The following MACROD1 variants were observed in gnomAD, a reference collection of about 807,000 sequenced individuals.
MACROD1 encodes the protein mono-ADP ribosylhydrolase 1.
Under a neutral mutation model 41.4 loss-of-function variants are expected in MACROD1, and 31 were observed. The observed-to-expected ratio is 0.75, with a 90% CI of 0.56 to 1.01. The LOEUF (loss-of-function observed/expected upper bound fraction) is 1.01, where lower values mean the gene tolerates loss of function less well. Ranked by LOEUF, MACROD1 falls within the 50% of genes least tolerant of loss-of-function variation. The pLI, the probability that MACROD1 is intolerant of heterozygous loss-of-function variation, is 0.00. For synonymous variants in MACROD1, 252 were observed against 203.4 expected (o/e 1.24, Z -2.03); for missense variants, 473 against 460.0 (o/e 1.03, Z -0.26).
At chr11:64,106,312 G>A (rs1429519953) in intron 3 of MACROD1, among the ~76,000 whole-genome samples, 1 of 152,108 alleles carries the variant, frequency 6.6e-6, no homozygotes, top group Non-Finnish European at 1.5e-5. Context: ...GGGGTGGGCT[G>A]TAGGAAGGCC....
chr11:64,160,183 C>G (rs1945732882), intron 1 of MACROD1, among the ~76,000 whole-genome samples: 2 of 152,102 alleles, frequency 1.3e-5, no homozygotes, highest in Admixed American at 1.3e-4. Context: ...CCTGCCTTGC[C>G]CAGGGCAAGG....
intron 3 of MACROD1, among the ~76,000 whole-genome samples, chr11:64,143,166 AGGAAAGAAAGGAAAAAG>A: frequency 6.6e-6 from 1 of 151,768 alleles, no homozygotes; most frequent in East Asian, 1.9e-4. Context: ...GAAGAGAGGA[AGGAAAGAAAGGAAAAAG>A]GGAAAGAAAG....
intron 5 of MACROD1, 42 bp downstream of exon 5, chr11:64,000,185 C>T (rs1942796896): frequency 2.0e-6 from 3 of 1,534,258 alleles, no homozygotes; most frequent in South Asian, 1.2e-5. Context: ...CACACGGGCG[C>T]CCTGTCTGCG....
chr11:64,110,535 CA>C (rs1289592603), intron 3 of MACROD1, among the ~76,000 whole-genome samples: 1 of 151,970 alleles, frequency 6.6e-6, no homozygotes, highest in Non-Finnish European at 1.5e-5. Context: ...TGGAGGTTGG[CA>C]GGGGACAACG....
At chr11:64,116,455 G>T in intron 3 of MACROD1, 1 of 1,613,996 alleles carries the variant, frequency 6.2e-7, no homozygotes, top group Non-Finnish European at 8.5e-7. Flanking sequence ...TGCGACAACG[G>T]CTTCATCTAC....
intron 3 of MACROD1, among the ~76,000 whole-genome samples, chr11:64,115,946 C>T (rs889822502): frequency 1.3e-4 from 20 of 152,174 alleles, no homozygotes; most frequent in African/African-American, 4.6e-4. Flanking sequence ...CCAGGAGGGC[C>T]GCGGCAGCAC....
intron 1 of MACROD1, among the ~76,000 whole-genome samples, chr11:64,164,105 T>A (rs1025689137): frequency 6.6e-6 from 1 of 152,226 alleles, no homozygotes; most frequent in African/African-American, 2.4e-5. Flanking sequence ...TTCTTTACAA[T>A]AGATGCTTTG....
intron 3 of MACROD1, among the ~76,000 whole-genome samples, chr11:64,130,883 G>A (rs901818883): frequency 5.3e-5 from 8 of 152,210 alleles, no homozygotes; most frequent in African/African-American, 1.9e-4. Flanking sequence ...GATTTACAGG[G>A]GAAGTGAAAT....
chr11:64,091,867 C>T (rs1315436330), intron 3 of MACROD1, among the ~76,000 whole-genome samples: 3 of 152,170 alleles, frequency 2.0e-5, no homozygotes, highest in Non-Finnish European at 4.4e-5. Context: ...AGCACCAGAG[C>T]GGCTGCTGGG....
intron 3 of MACROD1, among the ~76,000 whole-genome samples, chr11:64,042,505 C>T (rs79575617): frequency 0.05 from 7,607 of 152,262 alleles, 261 homozygotes; most frequent in South Asian, 0.15. Context: ...AGCCCTGCAG[C>T]GTAACCTTTG....
intron 3 of MACROD1, among the ~76,000 whole-genome samples, chr11:64,089,809 C>G (rs773323425): frequency 3.3e-5 from 5 of 152,102 alleles, no homozygotes; most frequent in Non-Finnish European, 7.4e-5. Context: ...ATGCCAGTCT[C>G]TGTGCCCACT....
intron 4 of MACROD1, among the ~76,000 whole-genome samples, chr11:64,007,783 C>T (rs1942937751): frequency 6.6e-6 from 1 of 152,234 alleles, no homozygotes; most frequent in African/African-American, 2.4e-5. Flanking sequence ...ACACAACACC[C>T]ACCAGACTGG....
chr11:63,998,598 C>CGCGGAGG lies in MACROD1; in HGVS notation c.*113_*119dup. 1.6e-6 allele frequency: 2 copies of CGCGGAGG among 1,276,884 alleles called. No individual in the cohort carries two copies. Among genetic ancestry groups the CGCGGAGG allele is most frequent in the East Asian group, 6.1e-5 (2 of 32,662 alleles). The allele number at this position is 1,276,884 out of a possible 1,614,324, so 79.1% of individuals were successfully genotyped here. ...TTTATTAGGCTCCTCGGGGGCGGGG[C>CGCGGAGG]GCGGAGGGAAAGAAGGGGTGGCCAG... On this transcript the variant is annotated 3_prime_UTR_variant, in exon 11 of 11. Coordinates refer to ENST00000255681, the MANE Select transcript of MACROD1 (RefSeq NM_014067.4).
chr11:64,020,309 G>A (rs1225143181), intron 3 of MACROD1, among the ~76,000 whole-genome samples: 1 of 152,120 alleles, frequency 6.6e-6, no homozygotes, highest in African/African-American at 2.4e-5. Context: ...AGATGAGGAC[G>A]CTGAGACACG....
intron 4 of MACROD1, among the ~76,000 whole-genome samples, chr11:64,013,811 A>C (rs1425524576): frequency 1.3e-5 from 2 of 152,078 alleles, no homozygotes; most frequent in East Asian, 1.9e-4. Context: ...CTCCACTTCC[A>C]GGCCTTTGCC....
Position 63,999,000 on chromosome 11 carries a change from CCTT to C in MACROD1, c.925_927del (p.Lys309del), listed in dbSNP as rs748644803. 29 of 1,609,150 alleles carry C rather than the reference CCTT, an allele frequency of 1.8e-5. No individual in the cohort carries two copies. Among genetic ancestry groups the C allele is most frequent in the Non-Finnish European group, 2.3e-5 (27 of 1,178,462 alleles). On this transcript the variant is annotated inframe_deletion, in exon 9 of 11. Coordinates refer to ENST00000255681, the MANE Select transcript of MACROD1 (RefSeq NM_014067.4). ...AGCCGGCTCCGGTAGATGTCCTCGT[CCTT>C]CTCGAGGAACACGCAGATGATCAGC...
chr11:64,102,289 T>C (rs549097697), intron 3 of MACROD1, among the ~76,000 whole-genome samples: 1 of 152,244 alleles, frequency 6.6e-6, no homozygotes, highest in Non-Finnish European at 1.5e-5. Context: ...CGGGGTTTTG[T>C]TTTGGATTCC....
intron 3 of MACROD1, among the ~76,000 whole-genome samples, chr11:64,149,858 G>A (rs1158427925): frequency 6.6e-6 from 1 of 152,232 alleles, no homozygotes; most frequent in East Asian, 1.9e-4. Flanking sequence ...CCGCTGTAAT[G>A]TCTGCCAACC....
chr11:64,153,324 C>A (rs532033431), intron 1 of MACROD1, among the ~76,000 whole-genome samples: 16 of 152,338 alleles, frequency 1.1e-4, no homozygotes, highest in African/African-American at 3.6e-4. Flanking sequence ...CGGGATGGGG[C>A]AGCCCCCACG....
Sources: allele counts gnomAD v4.1 joint callset (sites outside exome capture counted in the v4.1 genomes callset), GRCh38; gene constraint gnomAD v4.1.1; transcripts MANE v1.5; gene names NCBI Gene and HGNC (gene_info 2026-07-23, HGNC 2026-07-21).